The following SLC25A26 variants were observed in gnomAD, a reference collection of about 807,000 sequenced individuals.
SLC25A26 encodes mitochondrial S-adenosylmethionine carrier protein.
SLC25A26 carries 36 observed loss-of-function variants against 37.8 expected under a neutral mutation model. That is an observed-to-expected ratio of 0.95 (90% CI 0.73 to 1.26). SLC25A26 has a LOEUF of 1.26. Ranked by LOEUF, SLC25A26 falls within the 50% of genes most tolerant of loss-of-function variation. SLC25A26 has a pLI of 0.00. For synonymous variants in SLC25A26, 129 were observed against 122.5 expected (o/e 1.05, Z -0.35); for missense variants, 390 against 331.1 (o/e 1.18, Z -1.38).
chr3:66,139,732 A>T lies in SLC25A26; in HGVS notation c.-354+5748A>T, dbSNP rs1017609107. Among the ~76,000 whole-genome samples, 4 of 152,350 alleles carry T rather than the reference A, an allele frequency of 2.6e-5. No individual in the cohort carries two copies. The East Asian group carries it at 5.8e-4, about 22-fold the overall frequency. On this transcript the variant is annotated intron_variant, in intron 1 of 10. Coordinates refer to the SLC25A26 transcript ENST00000676754. ...ATGACATTATAGGGTCAGAAGCATT[A>T]ATGTACTCACAGTGTCATTTGTTTA...
intron 1 of SLC25A26, among the ~76,000 whole-genome samples, chr3:66,233,603 A>T (rs998113658): frequency 6.6e-6 from 1 of 152,236 alleles, no homozygotes; most frequent in African/African-American, 2.4e-5. Context: ...ATATTGATAT[A>T]GGCATTCCTT....
At chr3:66,178,138 G>T (rs562731914) in intron 1 of SLC25A26, among the ~76,000 whole-genome samples, 1 of 152,176 alleles carries the variant, frequency 6.6e-6, no homozygotes, top group East Asian at 1.9e-4. Flanking sequence ...TCAGATTCAT[G>T]TGTAAGGAAG....
intron 1 of SLC25A26, among the ~76,000 whole-genome samples, chr3:66,210,847 C>A (rs1344625165): frequency 1.3e-5 from 2 of 152,098 alleles, no homozygotes; most frequent in South Asian, 2.1e-4. Flanking sequence ...AGCTGAGTAT[C>A]GCCAAAGGTT....
chr3:66,299,231 A>G (rs1202813034), intron 5 of SLC25A26, among the ~76,000 whole-genome samples: 1 of 152,096 alleles, frequency 6.6e-6, no homozygotes, highest in East Asian at 1.9e-4. Flanking sequence ...TCCCTCTGTC[A>G]CCCAGGCTGG....
intron 1 of SLC25A26, among the ~76,000 whole-genome samples, chr3:66,192,944 A>G (rs2070973580): frequency 6.6e-6 from 1 of 152,100 alleles, no homozygotes; most frequent in African/African-American, 2.4e-5. Context: ...GATGTCTCCT[A>G]TGTCTGGAGG....
chr3:66,352,435 G>GTTTTTTTTTTTTTT (rs376280552), intron 6 of SLC25A26, among the ~76,000 whole-genome samples: 1 of 131,158 alleles, frequency 7.6e-6, no homozygotes, highest in African/African-American at 3.1e-5. Flanking sequence ...TTTGTTTTTT[G>GTTTTTTTTTTTTTT]TTTTTTGTTT....
chr3:66,213,042 C>G (rs1221061147), intron 1 of SLC25A26, among the ~76,000 whole-genome samples: 1 of 151,862 alleles, frequency 6.6e-6, no homozygotes, highest in Admixed American at 6.6e-5. Flanking sequence ...TTCCTCTATC[C>G]TCCCTGGATA....
chr3:66,183,767 C>T (rs1233402108), intron 1 of SLC25A26, among the ~76,000 whole-genome samples: 1 of 152,058 alleles, frequency 6.6e-6, no homozygotes, highest in East Asian at 1.9e-4. Context: ...GAGCTTGACA[C>T]TGAACGTGAT....
chr3:66,161,161 TA>T (rs367585131), intron 1 of SLC25A26, among the ~76,000 whole-genome samples: 5,632 of 139,474 alleles, frequency 0.04, 177 homozygotes, highest in African/African-American at 0.1. Flanking sequence ...GTTGTTGTTG[TA>T]AAAAAAAAAA....
At chr3:66,209,865 CAT>C (rs1275995997) in intron 1 of SLC25A26, among the ~76,000 whole-genome samples, 6 of 103,892 alleles carry the variant, frequency 5.8e-5, no homozygotes, top group Non-Finnish European at 7.7e-5. Flanking sequence ...TATACACACA[CAT>C]ATATATATAC....
chr3:66,239,827 T>TC (rs1559604613), intron 2 of SLC25A26, among the ~76,000 whole-genome samples: 1 of 134,136 alleles, frequency 7.5e-6, no homozygotes, highest in East Asian at 1.9e-4. Flanking sequence ...TTTTTTTTTT[T>TC]TTTTTTTTTT....
At chr3:66,357,565 GC>G (rs2076604917) in intron 6 of SLC25A26, among the ~76,000 whole-genome samples, 1 of 152,108 alleles carries the variant, frequency 6.6e-6, no homozygotes, top group South Asian at 2.1e-4. Flanking sequence ...CTCCAATACT[GC>G]TTCTTCACAT....
chr3:66,378,098 C>G lies in SLC25A26; in HGVS notation c.*291C>G, dbSNP rs190724988. Reference sequence around the variant, plus strand: ...AATGCTGAGGCCAGGCCTTTTAGAGCTTTCATTTGATCTGTATCTGATCTT... The same window carrying G: ...AATGCTGAGGCCAGGCCTTTTAGAGGTTTCATTTGATCTGTATCTGATCTT... On this transcript the variant is annotated 3_prime_UTR_variant, in exon 10 of 10. Coordinates refer to ENST00000354883, the MANE Select transcript of SLC25A26 (RefSeq NM_001379210.1). The G allele has an allele frequency of 1.8e-5, 5 of 284,548 alleles. No homozygotes were observed. In the South Asian group the frequency reaches 3.1e-4, roughly 18 times the overall value. The allele number at this position is 284,548 out of a possible 1,614,324, so 17.6% of individuals were successfully genotyped here. A position where few individuals can be genotyped will look rare whatever the true frequency, so the allele number is the denominator to read the frequency against.
intron 2 of SLC25A26, among the ~76,000 whole-genome samples, chr3:66,242,968 C>T (rs1424528421): frequency 1.3e-5 from 2 of 152,192 alleles, no homozygotes; most frequent in Non-Finnish European, 2.9e-5. Context: ...AGCACTTGTG[C>T]TCCTTCAGGG....
chr3:66,294,451 T>C (rs1453953160), intron 5 of SLC25A26, among the ~76,000 whole-genome samples: 1 of 152,210 alleles, frequency 6.6e-6, no homozygotes, highest in East Asian at 1.9e-4. Flanking sequence ...TATATGATCA[T>C]GTCATTTACT....
At chr3:66,189,832 A>AT (rs1184350616) in intron 1 of SLC25A26, among the ~76,000 whole-genome samples, 1,989 of 149,226 alleles carry the variant, frequency 0.013, 44 homozygotes, top group African/African-American at 0.045. Context: ...TAGGTAATTA[A>AT]TTTTTTTTTT....
chr3:66,277,966 A>G lies in SLC25A26; in HGVS notation c.453+14587A>G, dbSNP rs148656647. On this transcript the variant is annotated intron_variant, in intron 5 of 9. Coordinates refer to ENST00000354883, the MANE Select transcript of SLC25A26 (RefSeq NM_001379210.1). ...AGATGAAAGAACTGCCACAAATAAG[A>G]GAAGACTAAGGAGACACAACAAGTA... 4.2e-3 allele frequency among the ~76,000 whole-genome samples: 639 copies of G among 152,258 alleles called. 6 individuals are homozygous for G. Among genetic ancestry groups the G allele is most frequent in the African/African-American group, 0.015 (605 of 41,578 alleles).
chr3:66,152,125 T>C (rs1419678852), intron 1 of SLC25A26, among the ~76,000 whole-genome samples: 2 of 152,172 alleles, frequency 1.3e-5, no homozygotes, highest in Admixed American at 1.3e-4. Context: ...AAGCAGGTAC[T>C]TCTAAAATTT....
At chr3:66,180,387 A>G (rs143935578) in intron 1 of SLC25A26, among the ~76,000 whole-genome samples, 38,770 of 152,172 alleles carry the variant, frequency 0.25, 5,664 homozygotes, top group South Asian at 0.41. Context: ...ATGCAGGGGC[A>G]GGGAACATGC....
Sources: allele counts gnomAD v4.1 joint callset (sites outside exome capture counted in the v4.1 genomes callset), GRCh38; gene constraint gnomAD v4.1.1; transcripts MANE v1.5; gene names NCBI Gene and HGNC (gene_info 2026-07-23, HGNC 2026-07-21).